Variants in MAML2 observed in about 807,000 individuals in gnomAD.
MAML2 encodes mastermind like transcriptional coactivator 2, also known as mastermind-like protein 2.
Under a neutral mutation model 96.1 loss-of-function variants are expected in MAML2, and 22 were observed. The ratio of observed to expected loss-of-function variants is 0.23; its 90% CI spans 0.16 to 0.33. The LOEUF (loss-of-function observed/expected upper bound fraction) is 0.33, where lower values mean the gene tolerates loss of function less well. Among genes scored for constraint, MAML2 ranks in the 10% least tolerant of loss-of-function variants. The pLI, the probability that MAML2 is intolerant of heterozygous loss-of-function variation, is 1.00. For missense variants in MAML2, 1,367 were observed against 1,392.4 expected (o/e 0.98, Z 0.29); for synonymous variants, 561 against 521.3 (o/e 1.08, Z -1.04).
intron 1 of MAML2, among the ~76,000 whole-genome samples, chr11:96,294,300 T>C (rs1365222001): frequency 6.7e-6 from 1 of 150,238 alleles, no homozygotes; most frequent in East Asian, 1.9e-4. Context: ...TGTTCTCATG[T>C]CAAAGGTAAC....
chr11:96,262,418 T>C (rs1862762225), intron 1 of MAML2, among the ~76,000 whole-genome samples: 1 of 152,086 alleles, frequency 6.6e-6, no homozygotes. Context: ...TTTTCTTTCC[T>C]CTTGTTTTTC....
chr11:96,249,583 C>G (rs955698736), intron 1 of MAML2, among the ~76,000 whole-genome samples: 2 of 152,228 alleles, frequency 1.3e-5, no homozygotes, highest in Non-Finnish European at 2.9e-5. Context: ...TCTAGCTGCA[C>G]GAGTCACACA....
At chr11:96,253,854 C>G (rs1041677306) in intron 1 of MAML2, among the ~76,000 whole-genome samples, 2 of 152,158 alleles carry the variant, frequency 1.3e-5, no homozygotes, top group Admixed American at 6.5e-5. Context: ...TCTGATAGCT[C>G]CAGCATAGGA....
chr11:96,092,260 G>A lies in MAML2; in HGVS notation c.1771C>T (p.Gln591Ter). 1 of 1,554,854 alleles carries A rather than the reference G, an allele frequency of 6.4e-7. No homozygotes were observed. The highest frequency in any genetic ancestry group is 1.2e-5 in the South Asian group (1 of 84,338). ...PSLLHYTQQQ[Q>*]QQQQQQQQQQ... ...TGCTGCTGCTGCTGCTGTTGCTGCT[G>A]TTGCTGTTGGGTGTAGTGTAGGAGA... is the stretch of plus-strand genomic sequence containing the variant. Residue 591 changes from glutamine to a stop codon, truncating the protein, a stop_gained, in exon 2 of 5, where the codon CAG (glutamine) becomes TAG (stop). Coordinates refer to ENST00000524717, the MANE Select transcript of MAML2 (RefSeq NM_032427.4). LOFTEE classifies it high-confidence loss of function. The surrounding 1 kb of genome is among the most constrained non-coding windows in gnomAD (Gnocchi z 4.1).
At chr11:96,247,617 A>G (rs967844585) in intron 1 of MAML2, among the ~76,000 whole-genome samples, 1 of 152,098 alleles carries the variant, frequency 6.6e-6, no homozygotes, top group Non-Finnish European at 1.5e-5. Flanking sequence ...GTGAAGAAAA[A>G]CAAACTCAGC....
chr11:96,228,785 G>A (rs1001867464), intron 1 of MAML2, among the ~76,000 whole-genome samples: 1 of 152,174 alleles, frequency 6.6e-6, no homozygotes, highest in African/African-American at 2.4e-5. Flanking sequence ...TGGTGATGCT[G>A]CCTCCGGCTG....
chr11:96,041,752 A>G lies in MAML2; in HGVS notation c.2140-50029T>C, dbSNP rs192611134. On this transcript the variant is annotated intron_variant, in intron 2 of 4. Transcript: ENST00000524717. ...GATTTTTTTTTTTTCTGAAATGCCT[A>G]TTAAATCTGTCCTTTCTCCCAGTTT... is the stretch of plus-strand genomic sequence containing the variant. 2.6e-5 allele frequency among the ~76,000 whole-genome samples: 4 copies of G among 151,746 alleles called. No individual in the cohort carries two copies. The East Asian group carries it at 7.7e-4, about 29-fold the overall frequency.
At chr11:96,274,339 T>C (rs1430274471) in intron 1 of MAML2, among the ~76,000 whole-genome samples, 1 of 152,034 alleles carries the variant, frequency 6.6e-6, no homozygotes, top group Non-Finnish European at 1.5e-5. Context: ...ACCTCGGCCT[T>C]CCAAAGTACT....
intron 1 of MAML2, among the ~76,000 whole-genome samples, chr11:96,279,321 C>T (rs931482412): frequency 5.3e-5 from 8 of 152,176 alleles, no homozygotes; most frequent in African/African-American, 1.9e-4. Context: ...ATAATATTTT[C>T]GTTATAAGGA....
At chr11:96,279,306 G>A (rs1863032263) in intron 1 of MAML2, among the ~76,000 whole-genome samples, 1 of 152,298 alleles carries the variant, frequency 6.6e-6, no homozygotes, top group Non-Finnish European at 1.5e-5. Context: ...TAAAGCTGAT[G>A]ATGAATAATA....
In MAML2 at chr11:96,146,418, A is replaced by G. The variant is rs1860821039; in HGVS notation, c.514-52901T>C. ...AAGAATTGTATACAATATTGCTATT[A>G]GCAGTGAATCGGGGAGGCAGGACAG... On this transcript the variant is annotated intron_variant, in intron 1 of 4. Coordinates refer to ENST00000524717, the MANE Select transcript of MAML2 (RefSeq NM_032427.4). 2.6e-5 allele frequency among the ~76,000 whole-genome samples: 4 copies of G among 152,194 alleles called. No individual in the cohort carries two copies. In the South Asian group the frequency reaches 8.3e-4, roughly 31 times the overall value.
At chr11:96,114,383 C>T (rs1355177644) in intron 1 of MAML2, among the ~76,000 whole-genome samples, 2 of 152,200 alleles carry the variant, frequency 1.3e-5, no homozygotes, top group African/African-American at 2.4e-5. Flanking sequence ...ATCGTTTGAT[C>T]CTAATCTCCT....
At chr11:95,980,765 A>T (rs1227120492) in intron 4 of MAML2, among the ~76,000 whole-genome samples, 1 of 152,174 alleles carries the variant, frequency 6.6e-6, no homozygotes, top group African/African-American at 2.4e-5. Flanking sequence ...CTTTCATTTA[A>T]CACTTAGTAT....
At chr11:95,988,516 TTA>T (rs926983686) in intron 3 of MAML2, among the ~76,000 whole-genome samples, 2 of 147,680 alleles carry the variant, frequency 1.4e-5, no homozygotes, top group African/African-American at 2.5e-5. Flanking sequence ...GGGTTTTCAT[TTA>T]TATATATATA....
chr11:96,165,168 G>A (rs1421419086), intron 1 of MAML2, among the ~76,000 whole-genome samples: 1 of 151,278 alleles, frequency 6.6e-6, no homozygotes, highest in African/African-American at 2.4e-5. Context: ...TTGCTTTGTA[G>A]TGTGTTTTTT....
rs1319516058 is a variant in MAML2, at chr11:96,092,420, G to A, written c.1611C>T (p.Leu537=). The change falls in exon 2 of 5, where the codon CTC becomes CTT. Residue 537 remains leucine, a synonymous_variant. Coordinates refer to ENST00000524717, the MANE Select transcript of MAML2 (RefSeq NM_032427.4). This position sits in a 1 kb window ranked among gnomAD's most constrained non-coding sequence, Gnocchi z 4.1. The part of the protein sequence containing the change: ...DVLMQQKPQD[L]SRSFINNPHP... ...GCGGGTTGTTAATAAAACTTCGACTGAGATCCTGAGGCTTTTGCTGCATGA... is the reference window on the plus strand; with the variant it reads ...GCGGGTTGTTAATAAAACTTCGACTAAGATCCTGAGGCTTTTGCTGCATGA... 2 of 1,613,980 alleles carry A rather than the reference G, an allele frequency of 1.2e-6. No homozygotes were observed. Among genetic ancestry groups the A allele is most frequent in the East Asian group, 2.2e-5 (1 of 44,878 alleles).
chr11:95,990,882 G>A (rs984626698), intron 3 of MAML2, among the ~76,000 whole-genome samples: 9 of 152,122 alleles, frequency 5.9e-5, no homozygotes, highest in Non-Finnish European at 1.0e-4. Flanking sequence ...GAGGGTTAAT[G>A]CATGAAGAGT....
chr11:96,183,960 G>C (rs1861532571), intron 1 of MAML2, among the ~76,000 whole-genome samples: 1 of 152,162 alleles, frequency 6.6e-6, no homozygotes, highest in Non-Finnish European at 1.5e-5. Flanking sequence ...TAAATCTGCA[G>C]GTTTGTTTTG....
chr11:96,115,965 A>G (rs917710497), intron 1 of MAML2, among the ~76,000 whole-genome samples: 3 of 152,182 alleles, frequency 2.0e-5, no homozygotes, highest in African/African-American at 2.4e-5. Context: ...CTATCTCAGC[A>G]TATCTATGAA....
Sources: allele counts gnomAD v4.1 joint callset (sites outside exome capture counted in the v4.1 genomes callset), GRCh38; gene constraint gnomAD v4.1.1; non-coding constraint Gnocchi (gnomAD v3.1); transcripts MANE v1.5; gene names NCBI Gene and HGNC (gene_info 2026-07-23, HGNC 2026-07-21).